FBXO41: variants seen among roughly 807,000 people sequenced by gnomAD.
FBXO41 encodes F-box protein 41, also known as F-box only protein 41.
FBXO41 carries 33 observed loss-of-function variants against 81.6 expected under a neutral mutation model. That is an observed-to-expected ratio of 0.40 (90% CI 0.31 to 0.54). The LOEUF (loss-of-function observed/expected upper bound fraction) is 0.54, where lower values mean the gene tolerates loss of function less well. Among genes scored for constraint, FBXO41 ranks in the 20% least tolerant of loss-of-function variants. The pLI is 0.39. For missense variants in FBXO41, 1,107 were observed against 1,236.0 expected (o/e 0.90, Z 1.56); for synonymous variants, 576 against 552.7 (o/e 1.04, Z -0.59).
intron 8 of FBXO41, among the ~76,000 whole-genome samples, 172 bp from the exon 9 acceptor site, chr2:73,263,480 A>G (rs898245374): frequency 6.6e-6 from 1 of 151,964 alleles, no homozygotes; most frequent in East Asian, 1.9e-4. Flanking sequence ...AGAAAGAAAG[A>G]AAAAGAAAAT....
chr2:73,265,060 ATGGCCCCCC>A (rs1236019883), intron 5 of FBXO41, among the ~76,000 whole-genome samples: 1 of 152,060 alleles, frequency 6.6e-6, no homozygotes, highest in African/African-American at 2.4e-5. Flanking sequence ...TACCACGTGA[ATGGCCCCCC>A]TGCCCCCCAG....
chr2:73,264,222 C>T, intron 6 of FBXO41, 56 bp downstream of exon 6: 1 of 1,609,302 alleles, frequency 6.2e-7, no homozygotes, highest in Non-Finnish European at 8.5e-7. Context: ...CCAGATTCTA[C>T]CCAGGGGGAA....
chr2:73,265,136 C>T, intron 5 of FBXO41, 146 bp downstream of exon 5: 1 of 749,536 alleles, frequency 1.3e-6, no homozygotes, highest in Non-Finnish European at 2.1e-6. Context: ...TGCAGCCCTG[C>T]CCTGTCACAA....
At chr2:73,261,517 T>G (rs147437160) in intron 9 of FBXO41, among the ~76,000 whole-genome samples, 7 of 152,270 alleles carry the variant, frequency 4.6e-5, no homozygotes, top group African/African-American at 1.7e-4. Context: ...CAACAACAAC[T>G]GAGCTAGGCC....
At chr2:73,268,369 A>G (rs1223317935) in intron 2 of FBXO41, among the ~76,000 whole-genome samples, 2 of 152,190 alleles carry the variant, frequency 1.3e-5, no homozygotes, top group African/African-American at 2.4e-5. Flanking sequence ...GTATGCTTTT[A>G]GAAATATGCA....
At chr2:73,283,146 C>T (rs954857372) in intron 1 of FBXO41, among the ~76,000 whole-genome samples, 7 of 152,128 alleles carry the variant, frequency 4.6e-5, no homozygotes, top group African/African-American at 1.7e-4. Flanking sequence ...GGGAGGCAGC[C>T]GGAGTTGTCC....
chr2:73,273,763 C>T (rs950075077), intron 1 of FBXO41, among the ~76,000 whole-genome samples: 2 of 152,194 alleles, frequency 1.3e-5, no homozygotes, highest in Admixed American at 1.3e-4. Flanking sequence ...TTGAGAAGGG[C>T]TGCAAATGTT....
Position 73,254,917 on chromosome 2 carries a change from C to T in FBXO41, c.*4065G>A, listed in dbSNP as rs1251312721. ...CACCACTTCAGAAACAAAAATAAAACCAAAAATTGCTCTCCACCCCTCTGC... is the reference window on the plus strand; with the variant it reads ...CACCACTTCAGAAACAAAAATAAAATCAAAAATTGCTCTCCACCCCTCTGC... On this transcript the variant is annotated 3_prime_UTR_variant, in exon 13 of 13. Coordinates refer to ENST00000520530, the MANE Select transcript of FBXO41 (RefSeq NM_001371389.2). The T allele has an allele frequency of 6.6e-6, 1 of 152,124 alleles. No individual in the cohort carries two copies. The allele number at this position is 152,124 out of a possible 1,614,324, so 9.4% of individuals were successfully genotyped here.
intron 9 of FBXO41, among the ~76,000 whole-genome samples, chr2:73,261,205 C>A (rs1688010972): frequency 6.6e-6 from 1 of 152,058 alleles, no homozygotes; most frequent in African/African-American, 2.4e-5. Flanking sequence ...TACAGGCATG[C>A]ACTACCATGC....
At chr2:73,263,053 C>A (rs1379378427) in intron 9 of FBXO41, among the ~76,000 whole-genome samples, 160 bp downstream of exon 9, 1 of 152,238 alleles carries the variant, frequency 6.6e-6, no homozygotes, top group Non-Finnish European at 1.5e-5. Context: ...CCAACCAGGT[C>A]TGATTTTAAA....
intron 5 of FBXO41, 95 bp from the exon 6 acceptor site, chr2:73,264,614 G>A (rs1688162436): frequency 2.4e-5 from 37 of 1,538,662 alleles, no homozygotes; most frequent in South Asian, 1.8e-4. Context: ...ATCTGCAGAG[G>A]AATGGACATG....
At chr2:73,276,611 AGGGAGAGAGG>A (rs1558592710) in intron 1 of FBXO41, among the ~76,000 whole-genome samples, 1,348 of 88,510 alleles carry the variant, frequency 0.015, 97 homozygotes, top group African/African-American at 0.087. Flanking sequence ...AGAGGGAGAG[AGGGAGAGAGG>A]GAGAGAATGC....
Position 73,258,937 on chromosome 2 carries a change from GC to G in FBXO41, c.*44del. On this transcript the variant is annotated 3_prime_UTR_variant, in exon 13 of 13. Transcript: ENST00000520530. The stretch of plus-strand genomic sequence containing the variant: ...GGTCCCTCTGAGGTCCAAAGAGAGT[GC>G]CCTGGTGTGGGGCTGGCAGGGGCCC... 1 of 1,533,268 alleles carries G rather than the reference GC, an allele frequency of 6.5e-7. No individual in the cohort carries two copies. The highest frequency in any genetic ancestry group is 8.8e-7 in the Non-Finnish European group (1 of 1,137,760). The allele number at this position is 1,533,268 out of a possible 1,614,324, so 95.0% of individuals were successfully genotyped here. A position where few individuals can be genotyped will look rare whatever the true frequency, so the allele number is the denominator to read the frequency against.
In FBXO41 at chr2:73,263,806, C is replaced by T. The variant is rs1419493920; in HGVS notation, c.1947G>A (p.Glu649=). The change falls in exon 8 of 13, where the codon GAG becomes GAA. Residue 649 remains glutamate, a synonymous_variant. Coordinates refer to ENST00000520530, the MANE Select transcript of FBXO41 (RefSeq NM_001371389.2). The part of the protein sequence containing the change: ...STRGCLEAGL[E]SLLKAAGGNL... ...TCCCCCCAGCTGCCTTCAGCAGGGA[C>T]TCCAGCCCAGCTTCCAGGCAGCCCC... is the stretch of plus-strand genomic sequence containing the variant. 2 of 1,613,916 alleles carry T rather than the reference C, an allele frequency of 1.2e-6. No homozygotes were observed. Among genetic ancestry groups the T allele is most frequent in the Non-Finnish European group, 1.7e-6 (2 of 1,179,906 alleles).
rs369510771 is a variant in FBXO41 at position 73,266,570 on chromosome 2, C to T, written c.1018G>A (p.Glu340Lys). ...EELLERADRA[E>K]RQLQVISSSC... is the part of the protein sequence containing the mutation. The stretch of plus-strand genomic sequence containing the variant: ...CTGCTGATGACCTGCAGCTGCCGCT[C>T]GGCACGGTCAGCCCGCTCAAGGAGC... Residue 340 changes from glutamate (E) to lysine (K), a missense_variant, in exon 3 of 13, where the codon GAG (glutamate) becomes AAG (lysine). Physicochemically the swap from Glu to Lys is moderately conservative, Grantham distance 56. Transcript: ENST00000520530. This position sits in a 1 kb window ranked among gnomAD's most constrained non-coding sequence, Gnocchi z 5.3. 3.1e-6 allele frequency: 5 copies of T among 1,610,712 alleles called. No individual in the cohort carries two copies. The highest frequency in any genetic ancestry group is 3.4e-6 in the Non-Finnish European group (4 of 1,178,960).
At position 73,269,044 on chromosome 2, in the gene FBXO41, A is replaced by G. The variant is rs1306135239; in HGVS notation, c.587T>C (p.Val196Ala). The G allele has an allele frequency of 2.0e-6, 3 of 1,534,282 alleles. No individual in the cohort carries two copies. Among genetic ancestry groups the G allele is most frequent in the Non-Finnish European group, 2.6e-6 (3 of 1,144,776 alleles). The stretch of plus-strand genomic sequence containing the variant: ...GCGCGCCAGGCCCTCTTCGTAGGCC[A>G]CATCAGCGGGTGAGGGGGACGCGGG... The part of the protein sequence containing the change: ...ASPASPSPAD[V>A]AYEEGLARLK... Residue 196 changes from valine to alanine, a missense_variant, in exon 2 of 13, where the codon GTG becomes GCG. Val to Ala is a moderately conservative substitution (Grantham distance 64). Coordinates refer to ENST00000520530, the MANE Select transcript of FBXO41 (RefSeq NM_001371389.2). This position sits in a 1 kb window ranked among gnomAD's most constrained non-coding sequence, Gnocchi z 7.0.
At chr2:73,274,582 G>C (rs1431909653) in intron 1 of FBXO41, among the ~76,000 whole-genome samples, 1 of 152,044 alleles carries the variant, frequency 6.6e-6, no homozygotes, top group South Asian at 2.1e-4. Flanking sequence ...GTTTTCTTTC[G>C]ATACTTGTGA....
In FBXO41 at chr2:73,258,773, C is replaced by T. The variant is rs372442356; in HGVS notation, c.*209G>A. On this transcript the variant is annotated 3_prime_UTR_variant, in exon 13 of 13. Transcript: ENST00000520530. ...GTGGGGGTCGGAGGGCAGCTTCTGT[C>T]CAAGCCCCTGTACTGGGGAGGCAGT... is the stretch of plus-strand genomic sequence containing the variant. 22 of 559,204 alleles carry T rather than the reference C, an allele frequency of 3.9e-5. No homozygotes were observed. Among genetic ancestry groups the T allele is most frequent in the African/African-American group, 2.8e-4 (15 of 53,514 alleles). The allele number at this position is 559,204 out of a possible 1,614,324, so 34.6% of individuals were successfully genotyped here.
chr2:73,278,669 C>T (rs960081305), intron 1 of FBXO41, among the ~76,000 whole-genome samples: 7 of 152,202 alleles, frequency 4.6e-5, no homozygotes, highest in African/African-American at 7.2e-5. Context: ...AATTGGGGGA[C>T]TGGGGAACCC....
Sources: allele counts gnomAD v4.1 joint callset (sites outside exome capture counted in the v4.1 genomes callset), GRCh38; gene constraint gnomAD v4.1.1; non-coding constraint Gnocchi (gnomAD v3.1); transcripts MANE v1.5; gene names NCBI Gene and HGNC (gene_info 2026-07-23, HGNC 2026-07-21).